Variants in ANO10 observed in about 807,000 individuals in gnomAD.
The protein encoded by ANO10 is anoctamin-10.
ANO10 carries 77 observed loss-of-function variants against 74.7 expected under a neutral mutation model. That is an observed-to-expected ratio of 1.03 (90% confidence interval 0.86 to 1.25). The LOEUF (loss-of-function observed/expected upper bound fraction) is 1.25, where lower values mean the gene tolerates loss of function less well. Among genes scored for constraint, ANO10 ranks in the 50% most tolerant of loss-of-function variants. The probability of loss-of-function intolerance (pLI) is 0.00; values close to 1 mark genes in which losing one functional copy is unlikely to be tolerated. For synonymous variants in ANO10, 279 were observed against 284.9 expected (o/e 0.98, Z 0.21); for missense variants, 721 against 778.1 (o/e 0.93, Z 0.87).
At chr3:43,439,769 T>C (rs1248334111) in intron 11 of ANO10, among the ~76,000 whole-genome samples, 1 of 152,050 alleles carries the variant, frequency 6.6e-6, no homozygotes, top group Non-Finnish European at 1.5e-5. Context: ...TAGTTCAAGC[T>C]ACTCGGGAGG....
chr3:43,575,327 T>C (rs1404936999), intron 6 of ANO10, among the ~76,000 whole-genome samples: 3 of 152,308 alleles, frequency 2.0e-5, no homozygotes, highest in South Asian at 2.1e-4. Flanking sequence ...TAATACTGCA[T>C]AGATCCCAAA....
In ANO10 at chr3:43,681,402, A is replaced by T. The variant is rs563912451; in HGVS notation, c.-12+10115T>A. ...AACTATCCTAAATATATATGCACCCAATACAGGAGCACCCAGATTCATAAA... is the reference window on the plus strand; with the variant it reads ...AACTATCCTAAATATATATGCACCCTATACAGGAGCACCCAGATTCATAAA... On this transcript the variant is annotated intron_variant, in intron 1 of 3. Coordinates refer to the ANO10 transcript ENST00000413397. Among the ~76,000 whole-genome samples the T allele has an allele frequency of 4.7e-4, 72 of 152,294 alleles. 1 individual carries two copies. In the East Asian group the frequency reaches 0.011, roughly 24 times the overall value.
chr3:43,401,891 A>G (rs984234411), intron 12 of ANO10, among the ~76,000 whole-genome samples: 1 of 152,158 alleles, frequency 6.6e-6, no homozygotes, highest in African/African-American at 2.4e-5. Context: ...GGCACATGCT[A>G]TCTTCCTTCC....
intron 11 of ANO10, among the ~76,000 whole-genome samples, chr3:43,509,893 C>G (rs1172595609): frequency 6.6e-6 from 1 of 152,072 alleles, no homozygotes; most frequent in Admixed American, 6.5e-5. Context: ...CTGGTATACA[C>G]ATATATTGAA....
chr3:43,370,885 G>A (rs1010725755), intron 12 of ANO10, among the ~76,000 whole-genome samples: 4 of 152,116 alleles, frequency 2.6e-5, no homozygotes, highest in Non-Finnish European at 4.4e-5. Flanking sequence ...TTGTCTCTGT[G>A]GAGAAGTACA....
intron 12 of ANO10, among the ~76,000 whole-genome samples, chr3:43,390,762 A>T (rs1308115887): frequency 6.6e-6 from 1 of 152,200 alleles, no homozygotes; most frequent in Non-Finnish European, 1.5e-5. Context: ...ATTAGACTCA[A>T]AAGTGCAACT....
At chr3:43,544,409 T>C (rs920253430) in intron 11 of ANO10, among the ~76,000 whole-genome samples, 1 of 151,984 alleles carries the variant, frequency 6.6e-6, no homozygotes, top group Non-Finnish European at 1.5e-5. Context: ...ACACAAAAGT[T>C]GTGACAAATG....
At chr3:43,669,418 T>A (rs934235029) in intron 1 of ANO10, among the ~76,000 whole-genome samples, 1 of 152,168 alleles carries the variant, frequency 6.6e-6, no homozygotes, top group Admixed American at 6.5e-5. Context: ...AGTTTTTAAC[T>A]CAGAATTGTT....
At chr3:43,584,410 G>A (rs779357232) in intron 4 of ANO10, among the ~76,000 whole-genome samples, 9 of 152,146 alleles carry the variant, frequency 5.9e-5, no homozygotes, top group South Asian at 4.1e-4. Flanking sequence ...GACACGGCTC[G>A]GCTCACTCAT....
intron 12 of ANO10, among the ~76,000 whole-genome samples, chr3:43,375,988 C>G (rs990549318): frequency 1.3e-5 from 2 of 152,064 alleles, no homozygotes; most frequent in African/African-American, 4.8e-5. Context: ...AAGGTGTGAC[C>G]TGGAGGAAAG....
At chr3:43,570,974 C>A (rs1295871823) in intron 7 of ANO10, among the ~76,000 whole-genome samples, 157 of 147,814 alleles carry the variant, frequency 1.1e-3, no homozygotes, top group African/African-American at 2.2e-3. Context: ...CAATGAACTC[C>A]AACAAATTTA....
chr3:43,565,664 G>C lies in ANO10; in HGVS notation c.1282C>G (p.Leu428Val), dbSNP rs747205227. ...TTATTTTTACTTACCTGGCGCAAAA[G>C]CTTCATATCTTTCAAGACAAAGGCA... ...YIAFVLKDMK[L>V]LRQSLATLLI... Residue 428 changes from leucine to valine, a missense_variant, in exon 8 of 13, where the codon CTT becomes GTT. Coordinates refer to ENST00000292246, the MANE Select transcript of ANO10 (RefSeq NM_018075.5). The C allele has an allele frequency of 6.3e-7, 1 of 1,580,470 alleles. No homozygotes were observed. The highest frequency in any genetic ancestry group is 8.6e-7 in the Non-Finnish European group (1 of 1,163,628).
chr3:43,475,212 C>G (rs898944008), intron 11 of ANO10, among the ~76,000 whole-genome samples: 1 of 152,092 alleles, frequency 6.6e-6, no homozygotes, highest in Non-Finnish European at 1.5e-5. Context: ...AAGGATGGGT[C>G]AACATTTATT....
chr3:43,507,689 G>A (rs1431358649), intron 11 of ANO10, among the ~76,000 whole-genome samples: 1 of 152,078 alleles, frequency 6.6e-6, no homozygotes, highest in Non-Finnish European at 1.5e-5. Context: ...TGATGGATGA[G>A]GGTAGCCTTT....
intron 11 of ANO10, among the ~76,000 whole-genome samples, chr3:43,438,742 T>C (rs997448289): frequency 8.3e-5 from 12 of 144,818 alleles, no homozygotes; most frequent in Non-Finnish European, 4.7e-5. Context: ...AGTGAAACTC[T>C]GTCTTAAAAA....
At chr3:43,625,156 G>T (rs1202917387), upstream of ANO10, among the ~76,000 whole-genome samples, 1 of 152,216 alleles carries the variant, frequency 6.6e-6, no homozygotes. Context: ...GACAGGGAAT[G>T]GCTTCAGGGA....
intron 11 of ANO10, among the ~76,000 whole-genome samples, chr3:43,504,051 C>G (rs114833281): frequency 0.048 from 7,332 of 151,998 alleles, 199 homozygotes; most frequent in Non-Finnish European, 0.059. Flanking sequence ...GGTGGATCAC[C>G]TGAGGCCAGG....
chr3:43,527,341 A>C (rs58694029), intron 11 of ANO10, among the ~76,000 whole-genome samples: 3,604 of 152,250 alleles, frequency 0.024, 147 homozygotes, highest in African/African-American at 0.081. Context: ...AATAAGTATG[A>C]TAATTCAAAT....
At chr3:43,538,662 A>G (rs1472254994) in intron 11 of ANO10, among the ~76,000 whole-genome samples, 1 of 152,190 alleles carries the variant, frequency 6.6e-6, no homozygotes, top group Non-Finnish European at 1.5e-5. Context: ...GGAGAAGCTG[A>G]GGCAGACTCC....
Sources: allele counts gnomAD v4.1 joint callset (sites outside exome capture counted in the v4.1 genomes callset), GRCh38; gene constraint gnomAD v4.1.1; transcripts MANE v1.5; gene names NCBI Gene and HGNC (gene_info 2026-07-23, HGNC 2026-07-21).